The following LRMDA variants were observed in gnomAD, a reference collection of about 807,000 sequenced individuals.
The protein encoded by LRMDA is leucine-rich melanocyte differentiation-associated protein.
LRMDA carries 18 observed loss-of-function variants against 29.8 expected under a neutral mutation model. The ratio of observed to expected loss-of-function variants is 0.60; its 90% CI spans 0.42 to 0.90. The LOEUF (loss-of-function observed/expected upper bound fraction) is 0.90. Ranked by LOEUF, LRMDA falls within the 40% of genes least tolerant of loss-of-function variation. The probability of loss-of-function intolerance (pLI) is 0.00; values close to 1 mark genes in which losing one functional copy is unlikely to be tolerated. For synonymous variants in LRMDA, 125 were observed against 109.4 expected (o/e 1.14, Z -0.89); for missense variants, 273 against 273.9 (o/e 1.00, Z 0.02).
chr10:76,017,041 A>G (rs1166768308), intron 2 of LRMDA, among the ~76,000 whole-genome samples: 1 of 152,246 alleles, frequency 6.6e-6, no homozygotes, highest in Non-Finnish European at 1.5e-5. Flanking sequence ...GTGACCTTAC[A>G]TGGAAATAGG....
At chr10:75,436,806 C>T (rs1034808352) in intron 1 of LRMDA, among the ~76,000 whole-genome samples, 4 of 152,078 alleles carry the variant, frequency 2.6e-5, no homozygotes, top group Non-Finnish European at 4.4e-5. Flanking sequence ...TGAGGGAAAT[C>T]GAAGTCCCCA....
At chr10:76,268,822 A>G (rs868501180) in intron 5 of LRMDA, among the ~76,000 whole-genome samples, 25 of 152,174 alleles carry the variant, frequency 1.6e-4, no homozygotes, top group African/African-American at 6.0e-4. Flanking sequence ...CTCTACCCCC[A>G]TTTGAGACTG....
chr10:76,375,119 G>A (rs1589156302), intron 6 of LRMDA, among the ~76,000 whole-genome samples: 1 of 151,954 alleles, frequency 6.6e-6, no homozygotes, highest in Non-Finnish European at 1.5e-5. Flanking sequence ...TTTTCTGCAA[G>A]GATGCTAAAA....
intron 2 of LRMDA, among the ~76,000 whole-genome samples, chr10:75,775,538 T>C (rs1843300624): frequency 6.6e-6 from 1 of 152,250 alleles, no homozygotes; most frequent in Admixed American, 6.5e-5. Context: ...ACATAATGGG[T>C]CATGATGTCC....
intron 2 of LRMDA, among the ~76,000 whole-genome samples, chr10:75,672,313 G>A (rs929505745): frequency 1.3e-5 from 2 of 151,926 alleles, no homozygotes; most frequent in Admixed American, 6.6e-5. Context: ...AAGCATGTTG[G>A]CAAAGGATAG....
chr10:75,868,654 G>T (rs927527403), intron 2 of LRMDA, among the ~76,000 whole-genome samples: 1 of 152,118 alleles, frequency 6.6e-6, no homozygotes, highest in Non-Finnish European at 1.5e-5. Context: ...TCTGATGTTG[G>T]CTGGGCATTC....
intron 2 of LRMDA, among the ~76,000 whole-genome samples, chr10:75,975,505 C>T (rs907497993): frequency 1.3e-5 from 2 of 152,174 alleles, no homozygotes; most frequent in Non-Finnish European, 2.9e-5. Flanking sequence ...CTCCTTTACA[C>T]ATGTGCTCAT....
chr10:76,352,216 T>C (rs1470567724), intron 6 of LRMDA, among the ~76,000 whole-genome samples: 1 of 152,214 alleles, frequency 6.6e-6, no homozygotes. Context: ...TGGAGAGTAC[T>C]GAACCCTATG....
At chr10:75,532,056 GAAAAAAAAAAAA>G (rs60697116) in intron 2 of LRMDA, among the ~76,000 whole-genome samples, 1 of 95,386 alleles carries the variant, frequency 1.0e-5, no homozygotes, top group Non-Finnish European at 2.0e-5. Flanking sequence ...AAGAAAGAAA[GAAAAAAAAAAAA>G]AAAAAAAAAG....
Position 75,808,272 on chromosome 10 carries a change from A to G in LRMDA, c.132-227736A>G, listed in dbSNP as rs370964830. The stretch of plus-strand genomic sequence containing the variant: ...CCTGGGATGACCAAAGACTTGATCA[A>G]TTGACAAGGGGAGCATCAAAAGTGG... On this transcript the variant is annotated intron_variant, in intron 2 of 6. Transcript: ENST00000611255. 1.9e-4 allele frequency among the ~76,000 whole-genome samples: 29 copies of G among 152,300 alleles called. 1 individual carries two copies. Among genetic ancestry groups the G allele is most frequent in the East Asian group, 1.7e-3 (9 of 5,180 alleles).
intron 6 of LRMDA, among the ~76,000 whole-genome samples, chr10:76,544,252 G>A (rs548295069): frequency 6.6e-6 from 1 of 152,284 alleles, no homozygotes; most frequent in African/African-American, 2.4e-5. Flanking sequence ...TCTATTAGGT[G>A]CGAGGCTCAC....
At chr10:75,870,108 T>C (rs573968039) in intron 2 of LRMDA, among the ~76,000 whole-genome samples, 1 of 152,334 alleles carries the variant, frequency 6.6e-6, no homozygotes, top group South Asian at 2.1e-4. Flanking sequence ...ACCATCTTTT[T>C]TTGTAGGGCT....
Position 76,425,580 on chromosome 10 carries a change from TTTTA to T in LRMDA, c.601+101111_601+101114del, listed in dbSNP as rs532282074. Among the ~76,000 whole-genome samples, 935 of 151,334 alleles carry T rather than the reference TTTTA, an allele frequency of 6.2e-3. 7 individuals are homozygous for T. Among genetic ancestry groups the T allele is most frequent in the African/African-American group, 0.014 (600 of 41,394 alleles). On this transcript the variant is annotated intron_variant, in intron 6 of 6. Coordinates refer to ENST00000611255, the MANE Select transcript of LRMDA (RefSeq NM_001305581.2). ...TATAACTTACTAATAATAATTATTA[TTTTA>T]TTTATTTATTTATTTTTCATATATA...
At chr10:76,314,693 G>A (rs1287961690) in intron 5 of LRMDA, among the ~76,000 whole-genome samples, 1 of 152,148 alleles carries the variant, frequency 6.6e-6, no homozygotes, top group Non-Finnish European at 1.5e-5. Flanking sequence ...AAGTTTAAGT[G>A]TATATAATTT....
chr10:75,954,385 G>A (rs1388708524), intron 2 of LRMDA, among the ~76,000 whole-genome samples: 2 of 152,134 alleles, frequency 1.3e-5, no homozygotes, highest in African/African-American at 4.8e-5. Flanking sequence ...CCAAAAGAAG[G>A]GAATGCAGTT....
intron 2 of LRMDA, among the ~76,000 whole-genome samples, chr10:75,928,672 C>G (rs1846159945): frequency 6.6e-6 from 1 of 152,082 alleles, no homozygotes; most frequent in African/African-American, 2.4e-5. Context: ...TTTGGCAACT[C>G]AGGAGGAAGA....
chr10:75,762,903 G>A (rs1317669321), intron 2 of LRMDA, among the ~76,000 whole-genome samples: 4 of 152,084 alleles, frequency 2.6e-5, no homozygotes, highest in Admixed American at 2.6e-4. Context: ...CTCTGCCAGT[G>A]GGGCACCATT....
At chr10:75,842,205 T>C (rs1844553524) in intron 2 of LRMDA, among the ~76,000 whole-genome samples, 1 of 152,248 alleles carries the variant, frequency 6.6e-6, no homozygotes, top group South Asian at 2.1e-4. Flanking sequence ...GAATACTTTG[T>C]GACAAGTGAA....
At chr10:75,640,319 G>T (rs187074482) in intron 2 of LRMDA, among the ~76,000 whole-genome samples, 1 of 152,220 alleles carries the variant, frequency 6.6e-6, no homozygotes, top group East Asian at 1.9e-4. Context: ...TTCTAAGGAG[G>T]TACTCTTAAA....
Sources: gnomAD v4.1 joint callset for allele counts (sites outside exome capture counted in the v4.1 genomes callset) on GRCh38, gnomAD v4.1.1 for gene constraint, MANE v1.5 for transcripts, NCBI Gene and HGNC (gene_info 2026-07-23, HGNC 2026-07-21) for gene names.